PPP1R36: variants seen among roughly 807,000 people sequenced by gnomAD.
PPP1R36 encodes chromosome 14 open reading frame 50.
A neutral mutation model predicts 53.4 loss-of-function variants in PPP1R36; 47 were observed. The observed-to-expected ratio is 0.88, with a 90% CI of 0.70 to 1.12. PPP1R36 has a LOEUF of 1.12. Among genes scored for constraint, PPP1R36 ranks in the 50% most tolerant of loss-of-function variants. The pLI is 0.00. For missense variants in PPP1R36, 456 were observed against 513.9 expected (o/e 0.89, Z 1.09); for synonymous variants, 153 against 170.5 (o/e 0.90, Z 0.80).
chr14:64,581,457 T>C (rs1057447852), intron 8 of PPP1R36, among the ~76,000 whole-genome samples: 2 of 152,202 alleles, frequency 1.3e-5, no homozygotes, highest in African/African-American at 4.8e-5. Context: ...TGTTAAAATG[T>C]TATTTTTACT....
intron 8 of PPP1R36, among the ~76,000 whole-genome samples, chr14:64,584,015 A>C (rs1362986568): frequency 5.4e-5 from 8 of 148,224 alleles, no homozygotes; most frequent in African/African-American, 2.0e-4. Flanking sequence ...ATTCTCCCTG[A>C]CTCAGCCTCC....
At chr14:64,562,514 G>A (rs1352817011) in intron 3 of PPP1R36, among the ~76,000 whole-genome samples, 1 of 152,054 alleles carries the variant, frequency 6.6e-6, no homozygotes, top group African/African-American at 2.4e-5. Context: ...AATGCATTGT[G>A]AGCATAGGCT....
At chr14:64,550,182 C>T (rs998004960) in intron 1 of PPP1R36, 116 bp downstream of exon 1, 6 of 1,447,736 alleles carry the variant, frequency 4.1e-6, no homozygotes, top group African/African-American at 3.0e-5. Context: ...GCCTTCGCCC[C>T]GGGCTGGCGG....
intron 3 of PPP1R36, among the ~76,000 whole-genome samples, chr14:64,563,620 T>G (rs143946700): frequency 6.6e-6 from 1 of 152,188 alleles, no homozygotes; most frequent in African/African-American, 2.4e-5. Context: ...ACTTTATTAC[T>G]GTCATGGGGA....
chr14:64,578,550 A>G (rs1025341826), intron 8 of PPP1R36, among the ~76,000 whole-genome samples: 28 of 152,374 alleles, frequency 1.8e-4, no homozygotes, highest in African/African-American at 6.5e-4. Context: ...AATAAAAACC[A>G]CAATGAGATA....
At position 64,588,163 on chromosome 14, in the gene PPP1R36, T is replaced by C. The variant is rs1312838134; in HGVS notation, c.950T>C (p.Met317Thr). 3.1e-6 allele frequency: 5 copies of C among 1,613,964 alleles called. No individual in the cohort carries two copies. Among genetic ancestry groups the C allele is most frequent in the African/African-American group, 1.3e-5 (1 of 74,942 alleles). ...GCTATCAACATGCGTTCTCCAGTCA[T>C]GTCTACTCTGCTGCCATCTCTCAGA... The part of the protein sequence containing the change: ...KKAINMRSPV[M>T]STLLPSLREK... The change falls in exon 11 of 12, where the codon ATG (methionine) becomes ACG (threonine). Residue 317 changes from methionine (M) to threonine (T), a missense_variant. By Grantham distance (81) the Met-to-Thr change is moderately conservative. Coordinates refer to ENST00000298705, the MANE Select transcript of PPP1R36 (RefSeq NM_172365.3).
chr14:64,588,030 C>T lies in PPP1R36; in HGVS notation c.891-74C>T, dbSNP rs2080449994. 4.3e-6 allele frequency: 6 copies of T among 1,389,946 alleles called. No individual in the cohort carries two copies. The South Asian group carries it at 6.9e-5, about 16-fold the overall frequency. 86.1% of individuals were successfully genotyped at this position (1,389,946 alleles called of 1,614,324 possible). On this transcript the variant is annotated intron_variant, in intron 10 of 11. Transcript: ENST00000298705. ...AAGGGTTGGGATTACAGGCATGAGC[C>T]ACTGCACCTGGCCTCAAGAACATTT... is the stretch of plus-strand genomic sequence containing the variant.
At chr14:64,563,434 C>T (rs1350452099) in intron 3 of PPP1R36, among the ~76,000 whole-genome samples, 2 of 145,512 alleles carry the variant, frequency 1.4e-5, no homozygotes, top group Non-Finnish European at 3.0e-5. Flanking sequence ...CATCACTGGC[C>T]AACTTGGTGC....
At chr14:64,558,666 G>A (rs1412039978) in intron 3 of PPP1R36, among the ~76,000 whole-genome samples, 7 of 148,200 alleles carry the variant, frequency 4.7e-5, no homozygotes, top group Admixed American at 2.7e-4. Context: ...ATGGAGTCTC[G>A]CTCTGTTGCC....
intron 3 of PPP1R36, among the ~76,000 whole-genome samples, chr14:64,558,986 ATAG>A (rs1483612172): frequency 6.6e-6 from 1 of 152,140 alleles, no homozygotes; most frequent in Admixed American, 6.5e-5. Context: ...AAGGAAAGAC[ATAG>A]TAGCCTTTAG....
At chr14:64,561,370 T>A (rs763653033) in intron 3 of PPP1R36, among the ~76,000 whole-genome samples, 1 of 152,226 alleles carries the variant, frequency 6.6e-6, no homozygotes, top group Non-Finnish European at 1.5e-5. Context: ...GCCTTACTTT[T>A]GCAGATTGTA....
chr14:64,581,724 G>A (rs7145793), intron 8 of PPP1R36, among the ~76,000 whole-genome samples: 92 of 152,240 alleles, frequency 6.0e-4, no homozygotes, highest in Non-Finnish European at 9.8e-4. Context: ...ATTATGCTGC[G>A]TATCTCTATG....
Position 64,573,263 on chromosome 14 carries a change from G to A in PPP1R36, c.534-1192G>A, listed in dbSNP as rs75837955. On this transcript the variant is annotated intron_variant, in intron 7 of 11. Coordinates refer to ENST00000298705, the MANE Select transcript of PPP1R36 (RefSeq NM_172365.3). Reference sequence around the variant, plus strand: ...CTAAGAACAGTTTGTCTTTGTGAAAGTTCATTTGCAATTCAATTGGAACTG... The same window carrying A: ...CTAAGAACAGTTTGTCTTTGTGAAAATTCATTTGCAATTCAATTGGAACTG... 5.0e-3 allele frequency among the ~76,000 whole-genome samples: 764 copies of A among 152,322 alleles called. 6 individuals carry two copies. Among genetic ancestry groups the A allele is most frequent in the South Asian group, 0.011 (52 of 4,824 alleles).
chr14:64,551,688 G>A (rs1465879424), intron 2 of PPP1R36: 5 of 456,046 alleles, frequency 1.1e-5, no homozygotes, highest in African/African-American at 4.0e-5. Context: ...CATACAGCCA[G>A]TAAGTAGCAG....
intron 3 of PPP1R36, among the ~76,000 whole-genome samples, chr14:64,553,818 A>T (rs1385080226): frequency 2.1e-5 from 3 of 142,494 alleles, no homozygotes; most frequent in East Asian, 2.0e-4. Flanking sequence ...CGTGTAAGTT[A>T]TAACTAAAAA....
At chr14:64,554,641 G>C (rs1311860002) in intron 3 of PPP1R36, among the ~76,000 whole-genome samples, 2 of 152,164 alleles carry the variant, frequency 1.3e-5, no homozygotes, top group South Asian at 4.1e-4. Flanking sequence ...AGGTGGTTGA[G>C]AGTAGACAGT....
intron 3 of PPP1R36, among the ~76,000 whole-genome samples, chr14:64,554,494 A>ATAGT (rs1381964389): frequency 6.6e-6 from 1 of 151,982 alleles, no homozygotes; most frequent in Non-Finnish European, 1.5e-5. Flanking sequence ...TCTGTTACAG[A>ATAGT]TAGTTAGTTC....
chr14:64,564,557 G>A (rs2080233510), intron 3 of PPP1R36, among the ~76,000 whole-genome samples, 194 bp from the exon 4 acceptor site: 1 of 152,172 alleles, frequency 6.6e-6, no homozygotes, highest in South Asian at 2.1e-4. Context: ...GATGGTTAGA[G>A]GCTGAATGTA....
At chr14:64,577,222 G>A (rs2080348840) in intron 8 of PPP1R36, among the ~76,000 whole-genome samples, 3 of 152,136 alleles carry the variant, frequency 2.0e-5, no homozygotes, top group Non-Finnish European at 4.4e-5. Flanking sequence ...ATGCATACGG[G>A]CTCTATGTCC....
Sources: allele counts gnomAD v4.1 joint callset (sites outside exome capture counted in the v4.1 genomes callset), GRCh38; gene constraint gnomAD v4.1.1; transcripts MANE v1.5; gene names NCBI Gene and HGNC (gene_info 2026-07-23, HGNC 2026-07-21).